Variants in NTN3 observed in about 807,000 individuals in gnomAD.
NTN3 encodes the protein netrin-3.
NTN3 carries 44 observed loss-of-function variants against 37.2 expected under a neutral mutation model. That is an observed-to-expected ratio of 1.18 (90% CI 0.93 to 1.52). The LOEUF (loss-of-function observed/expected upper bound fraction) is 1.52. Among genes scored for constraint, NTN3 ranks in the 40% most tolerant of loss-of-function variants. NTN3 has a pLI of 0.00. For missense variants in NTN3, 882 were observed against 857.3 expected, an observed-to-expected ratio of 1.03 and a Z score of -0.36; for synonymous variants, 385 against 376.0, an observed-to-expected ratio of 1.02 and a Z score of -0.28.
In NTN3 at chr16:2,473,776, G is replaced by T; in HGVS notation, c.1414G>T (p.Ala472Ser). ...CGCAGCGGTGCAGGTGGCGGTGGGT[G>T]CGCGCGGCGAGGCGCGCGGCGCGTG... Reference protein sequence around the residue: ...KDYAVQVAVGARGEARGAWTR... With the variant: ...KDYAVQVAVGSRGEARGAWTR... The change falls in exon 6 of 6, where the codon GCG becomes TCG. Residue 472 changes from alanine (A) to serine (S), a missense_variant. Physicochemically the swap from Ala to Ser is moderately conservative, Grantham distance 99. Transcript: ENST00000293973. 2.9e-6 allele frequency: 4 copies of T among 1,384,148 alleles called. No individual in the cohort carries two copies. Among genetic ancestry groups the T allele is most frequent in the Non-Finnish European group, 3.7e-6 (4 of 1,077,640 alleles). 85.7% of individuals were successfully genotyped at this position (1,384,148 alleles called of 1,614,324 possible).
At position 2,472,031 on chromosome 16, in the gene NTN3, C is replaced by T. The variant is rs747898361; in HGVS notation, c.330C>T (p.Pro110=). 1.7e-5 allele frequency: 27 copies of T among 1,608,114 alleles called. No homozygotes were observed. In the East Asian group the frequency reaches 2.2e-4, roughly 13 times the overall value. Residue 110 remains proline (P), a synonymous_variant, in exon 1 of 6, where the codon CCC becomes CCT. Coordinates refer to ENST00000293973, the MANE Select transcript of NTN3 (RefSeq NM_006181.3). ...CCCTCAACGTGACTCTCACGGTGCCCCTGGGCAAGGCTTTTGAGCTGGTCT... is the reference window on the plus strand; with the variant it reads ...CCCTCAACGTGACTCTCACGGTGCCTCTGGGCAAGGCTTTTGAGCTGGTCT... ...RAPLNVTLTV[P]LGKAFELVFV...
rs2065533646 is a variant in NTN3 at position 2,473,279 on chromosome 16, C to A, written c.1279C>A (p.Pro427Thr). The change falls in exon 4 of 6, where the codon CCT (proline) becomes ACT (threonine). Residue 427 changes from proline (P) to threonine (T), a missense_variant. Transcript: ENST00000293973. The part of the protein sequence containing the change: ...PVAPCVKTPI[P>T]GPTEDSSPVQ... ...CTCCCTCTCTGCAGAGACCCCTATCCCTGGACCCACTGAGGACAGCAGCCC... is the reference window on the plus strand; with the variant it reads ...CTCCCTCTCTGCAGAGACCCCTATCACTGGACCCACTGAGGACAGCAGCCC... The A allele has an allele frequency of 6.2e-7, 1 of 1,612,846 alleles. No individual in the cohort carries two copies. Among genetic ancestry groups the A allele is most frequent in the Admixed American group, 1.7e-5 (1 of 59,996 alleles).
At chr16:2,473,163 C>A in intron 3 of NTN3, 29 bp downstream of exon 3, 1 of 1,592,994 alleles carries the variant, frequency 6.3e-7, no homozygotes, top group South Asian at 1.1e-5. Flanking sequence ...CCTCAGCCAC[C>A]AAGCCAAGGC....
rs902708975 is a variant in NTN3, at chr16:2,474,085, G to C, written c.1723G>C (p.Gly575Arg). The part of the protein sequence containing the change: ...LRRLQRRERR[G>R]RCSAA ...GAGGCTGCAGCGACGCGAACGGCGG[G>C]GGCGCTGCAGCGCCGCCTGAGCCCG... Residue 575 changes from glycine to arginine, a missense_variant, in exon 6 of 6, where the codon GGG becomes CGG. Physicochemically the swap from Gly to Arg is moderately radical, Grantham distance 125. Transcript: ENST00000293973. 2.0e-4 allele frequency: 242 copies of C among 1,207,644 alleles called. No individual in the cohort carries two copies. Among genetic ancestry groups the C allele is most frequent in the Admixed American group, 4.0e-4 (9 of 22,772 alleles). The allele number at this position is 1,207,644 out of a possible 1,614,324, so 74.8% of individuals were successfully genotyped here.
intron 5 of NTN3, 66 bp from the exon 6 acceptor site, chr16:2,473,690 C>T (rs1463696725): frequency 1.5e-6 from 2 of 1,369,516 alleles, no homozygotes; most frequent in Non-Finnish European, 1.9e-6. Flanking sequence ...GTGTCCTCCC[C>T]GTGCCTCCCC....
At position 2,473,826 on chromosome 16, in the gene NTN3, C is replaced by T. The variant is rs774833174; in HGVS notation, c.1464C>T (p.Leu488=). The change falls in exon 6 of 6, where the codon CTC becomes CTT. Residue 488 remains leucine (L), a synonymous_variant. Transcript: ENST00000293973. ...GAWTRFPVAV[L]AVFRSGEERA... is the part of the protein sequence containing the mutation. ...GGACACGCTTCCCGGTGGCGGTGCT[C>T]GCCGTGTTCCGGAGCGGAGAGGAGC... is the stretch of plus-strand genomic sequence containing the variant. 10 of 1,377,964 alleles carry T rather than the reference C, an allele frequency of 7.3e-6. No homozygotes were observed. In the Admixed American group the frequency reaches 2.2e-4, roughly 30 times the overall value. The allele number at this position is 1,377,964 out of a possible 1,614,324, so 85.4% of individuals were successfully genotyped here.
At chr16:2,473,627 T>C (rs1265196077) in intron 5 of NTN3, 124 bp downstream of exon 5, 2 of 1,259,982 alleles carry the variant, frequency 1.6e-6, no homozygotes, top group Non-Finnish European at 2.2e-6. Context: ...TCCTCATCCC[T>C]CAGGTCCTCC....
rs1162131626 is a variant in NTN3, at chr16:2,472,753, C to T, written c.981C>T (p.Tyr327=). 6.2e-7 allele frequency: 1 copy of T among 1,608,914 alleles called. No homozygotes were observed. The highest frequency in any genetic ancestry group is 8.5e-7 in the Non-Finnish European group (1 of 1,179,612). Residue 327 remains tyrosine, a synonymous_variant, in exon 2 of 6, where the codon TAC becomes TAT. Transcript: ENST00000293973. The stretch of plus-strand genomic sequence containing the variant: ...GCTGCCGCTTCAACATGGAGCTGTA[C>T]CGACTGTCCGGCCGCCGCAGCGGGG... ...ARRCRFNMEL[Y]RLSGRRSGGV... is the part of the protein sequence containing the mutation.
In NTN3 at chr16:2,471,791, C is replaced by A; in HGVS notation, c.90C>A (p.Cys30Ter). 2.2e-6 allele frequency: 3 copies of A among 1,387,804 alleles called. No homozygotes were observed. Among genetic ancestry groups the A allele is most frequent in the Non-Finnish European group, 1.9e-6 (2 of 1,080,142 alleles). 86.0% of individuals were successfully genotyped at this position (1,387,804 alleles called of 1,614,324 possible). Residue 30 changes from cysteine (C) to a stop codon, truncating the protein, a stop_gained, in exon 1 of 6, where the codon TGC (cysteine) becomes TGA (stop). Transcript: ENST00000293973. LOFTEE classifies it high-confidence loss of function. Reference protein sequence around the residue: ...SPGPPAPADPCHDEGGAPRGC... With the variant: ...SPGPPAPADP ...GGCCGCCGGCGCCCGCCGACCCCTG[C>A]CACGATGAGGGGGGTGCGCCCCGCG...
In NTN3 at chr16:2,472,167, C is replaced by G. The variant is rs1249537226; in HGVS notation, c.466C>G (p.Leu156Val). The G allele has an allele frequency of 6.2e-7, 1 of 1,608,496 alleles. No individual in the cohort carries two copies. Among genetic ancestry groups the G allele is most frequent in the Non-Finnish European group, 8.5e-7 (1 of 1,179,858 alleles). Residue 156 changes from leucine (L) to valine (V), a missense_variant, in exon 1 of 6, where the codon CTG (leucine) becomes GTG (valine). Coordinates refer to ENST00000293973, the MANE Select transcript of NTN3 (RefSeq NM_006181.3). ...GGGCTTCTTCTCCTCCCACTGTGAC[C>G]TGGACTATGGCCGTCTGCCTGCCCC... Reference protein sequence around the residue: ...PLGFFSSHCDLDYGRLPAPAN... With the variant: ...PLGFFSSHCDVDYGRLPAPAN...
Position 2,471,429 on chromosome 16 carries a change from C to T in NTN3, c.-273C>T. On this transcript the variant is annotated 5_prime_UTR_variant, in exon 1 of 6. Coordinates refer to ENST00000293973, the MANE Select transcript of NTN3 (RefSeq NM_006181.3). ...GCCCTCGGTGGGTGAGTGCGAGCGG[C>T]GGGTGGGGCCTCCGCGGGCGGAGGC... 3.3e-6 allele frequency: 1 copy of T among 307,526 alleles called. No individual in the cohort carries two copies. Among genetic ancestry groups the T allele is most frequent in the Non-Finnish European group, 6.0e-6 (1 of 167,956 alleles). 19.0% of individuals were successfully genotyped at this position (307,526 alleles called of 1,614,324 possible).
chr16:2,473,382 G>C (rs1380086643), intron 4 of NTN3, 47 bp from the exon 5 acceptor site: 1 of 1,612,494 alleles, frequency 6.2e-7, no homozygotes, highest in Non-Finnish European at 8.5e-7. Flanking sequence ...TCTGGGAGGA[G>C]AGGGTGGGGA....
chr16:2,472,296 A>G lies in NTN3; in HGVS notation c.595A>G (p.Ser199Gly). The G allele has an allele frequency of 6.2e-7, 1 of 1,607,674 alleles. No individual in the cohort carries two copies. Among genetic ancestry groups the G allele is most frequent in the South Asian group, 1.1e-5 (1 of 90,720 alleles). ...GLLAFSMQDS[S>G]PPGLDLDSSP... ...TCTGGCCTTCAGCATGCAGGACAGC[A>G]GCCCCCCAGGCCTGGACCTGGACAG... Residue 199 changes from serine to glycine, a missense_variant, in exon 1 of 6, where the codon AGC becomes GGC. By Grantham distance (56) the Ser-to-Gly change is moderately conservative. Coordinates refer to ENST00000293973, the MANE Select transcript of NTN3 (RefSeq NM_006181.3).
At position 2,472,212 on chromosome 16, in the gene NTN3, C is replaced by T. The variant is rs113261254; in HGVS notation, c.511C>T (p.Pro171Ser). The stretch of plus-strand genomic sequence containing the variant: ...TGCCCCTGCCAATGGCCCAGCTGGC[C>T]CAGGGCCTGAGGCCCTGTGCTTCCC... ...LPAPANGPAG[P>S]GPEALCFPAP... is the part of the protein sequence containing the mutation. Residue 171 changes from proline (P) to serine (S), a missense_variant, in exon 1 of 6, where the codon CCA (proline) becomes TCA (serine). Coordinates refer to ENST00000293973, the MANE Select transcript of NTN3 (RefSeq NM_006181.3). 3 of 1,609,814 alleles carry T rather than the reference C, an allele frequency of 1.9e-6. No individual in the cohort carries two copies. The highest frequency in any genetic ancestry group is 1.3e-5 in the African/African-American group (1 of 75,042).
chr16:2,471,669 CCGGCCACTGGCTGA>C lies in NTN3; in HGVS notation c.-31_-18del. 1.5e-6 allele frequency: 2 copies of C among 1,299,130 alleles called. No homozygotes were observed. Among genetic ancestry groups the C allele is most frequent in the South Asian group, 4.4e-5 (2 of 45,956 alleles). 80.5% of individuals were successfully genotyped at this position (1,299,130 alleles called of 1,614,324 possible). A position where few individuals can be genotyped will look rare whatever the true frequency, so the allele number is the denominator to read the frequency against. ...TTCCCCAAGGGCAGCGTCTTGGGGCCCGGCCACTGGCTGACCCGCAGCGGCTCCGGCCATGCCTG... is the reference window on the plus strand; with the variant it reads ...TTCCCCAAGGGCAGCGTCTTGGGGCCCCCGCAGCGGCTCCGGCCATGCCTG... On this transcript the variant is annotated 5_prime_UTR_variant, in exon 1 of 6. Transcript: ENST00000293973.
chr16:2,472,774 C>T lies in NTN3; in HGVS notation c.1002C>T (p.Ser334=), dbSNP rs138852717. 2.3e-4 allele frequency: 371 copies of T among 1,608,160 alleles called. No individual in the cohort carries two copies. Among genetic ancestry groups the T allele is most frequent in the Non-Finnish European group, 3.1e-4 (362 of 1,179,620 alleles). Residue 334 remains serine, a synonymous_variant, in exon 2 of 6, where the codon AGC becomes AGT. Transcript: ENST00000293973. ...MELYRLSGRR[S]GGVCLNCRHN... is the part of the protein sequence containing the mutation. Reference sequence around the variant, plus strand: ...TGTACCGACTGTCCGGCCGCCGCAGCGGGGGTGTCTGTCTCAACTGCCGGC... The same window carrying T: ...TGTACCGACTGTCCGGCCGCCGCAGTGGGGGTGTCTGTCTCAACTGCCGGC...
In NTN3 at chr16:2,472,309, T is replaced by TA. The variant is rs760616337; in HGVS notation, c.608_609insA (p.Asp204GlyfsTer25). 1.9e-6 allele frequency: 3 copies of TA among 1,608,692 alleles called. No homozygotes were observed. Among genetic ancestry groups the TA allele is most frequent in the Non-Finnish European group, 2.5e-6 (3 of 1,177,174 alleles). On this transcript the variant is annotated frameshift_variant, in exon 1 of 6. Transcript: ENST00000293973. LOFTEE classifies it high-confidence loss of function. ...ATGCAGGACAGCAGCCCCCCAGGCC[T>TA]GGACCTGGACAGCAGCCCAGTGCTC...
Position 2,473,497 on chromosome 16 carries a change from G to A in NTN3, c.1387G>A (p.Asp463Asn), listed in dbSNP as rs1567400770. ...RISLKKFCKKDYAVQVAVGAR... is the reference protein window; with the variant it reads ...RISLKKFCKKNYAVQVAVGAR... ...CAGCCTAAAGAAGTTCTGCAAGAAG[G>A]ACTATGGTAGGTGCCCTCAGGCCTC... is the stretch of plus-strand genomic sequence containing the variant. Residue 463 changes from aspartate to asparagine, a missense_variant, in exon 5 of 6, where the codon GAC (aspartate) becomes AAC (asparagine). Coordinates refer to ENST00000293973, the MANE Select transcript of NTN3 (RefSeq NM_006181.3). 1 of 1,612,878 alleles carries A rather than the reference G, an allele frequency of 6.2e-7. No homozygotes were observed. The highest frequency in any genetic ancestry group is 8.5e-7 in the Non-Finnish European group (1 of 1,179,928).
rs745378985 is a variant in NTN3, at chr16:2,471,897, G to A, written c.196G>A (p.Ala66Thr). 1.4e-5 allele frequency: 21 copies of A among 1,518,636 alleles called. No individual in the cohort carries two copies. In the East Asian group the frequency reaches 4.9e-4, roughly 35 times the overall value. The allele number at this position is 1,518,636 out of a possible 1,614,324, so 94.1% of individuals were successfully genotyped here. A position where few individuals can be genotyped will look rare whatever the true frequency, so the allele number is the denominator to read the frequency against. ...SSTCGRPATR[A>T]CDASDPRRAH... Reference sequence around the variant, plus strand: ...CACGTGCGGGCGGCCGGCCACTCGGGCCTGCGACGCCTCCGACCCGCGACG... The same window carrying A: ...CACGTGCGGGCGGCCGGCCACTCGGACCTGCGACGCCTCCGACCCGCGACG... Residue 66 changes from alanine to threonine, a missense_variant, in exon 1 of 6, where the codon GCC (alanine) becomes ACC (threonine). By Grantham distance (58) the Ala-to-Thr change is moderately conservative. Transcript: ENST00000293973.
Sources: gnomAD v4.1 joint callset for allele counts on GRCh38, gnomAD v4.1.1 for gene constraint, MANE v1.5 for transcripts, NCBI Gene and HGNC (gene_info 2026-07-23, HGNC 2026-07-21) for gene names.